Variants in LAMA4 observed in about 807,000 individuals in gnomAD.
The protein encoded by LAMA4 is laminin subunit alpha 4, also known as laminin subunit alpha-4.
A neutral mutation model predicts 207.1 loss-of-function variants in LAMA4; 127 were observed. The observed-to-expected ratio is 0.61, with a 90% CI of 0.53 to 0.71. The LOEUF is 0.71. Ranked by LOEUF, LAMA4 falls within the 30% of genes least tolerant of loss-of-function variation. LAMA4 has a pLI of 0.00. For synonymous variants in LAMA4, 761 were observed against 816.0 expected, an observed-to-expected ratio of 0.93 and a Z score of 1.15; for missense variants, 2,093 against 2,246.5, an observed-to-expected ratio of 0.93 and a Z score of 1.38.
intron 9 of LAMA4, among the ~76,000 whole-genome samples, chr6:112,182,611 T>C (rs1392328861): frequency 3.9e-5 from 6 of 152,168 alleles, no homozygotes; most frequent in Non-Finnish European, 7.3e-5. Flanking sequence ...GTCATTCAGG[T>C]AGCTTCTGCT....
intron 3 of LAMA4, chr6:112,213,958 C>CA (rs1554357694): frequency 1.4e-6 from 1 of 703,478 alleles, no homozygotes; most frequent in Non-Finnish European, 2.6e-6. Context: ...CTGGTCATGA[C>CA]AGTGAGCTAC....
intron 2 of LAMA4, among the ~76,000 whole-genome samples, chr6:112,225,680 G>A (rs746643052): frequency 2.0e-5 from 3 of 152,112 alleles, no homozygotes; most frequent in Admixed American, 6.5e-5. Context: ...TGCTGGGGTG[G>A]GCTGTAGGAC....
chr6:112,220,143 G>A (rs782652827), intron 2 of LAMA4, among the ~76,000 whole-genome samples: 1 of 152,110 alleles, frequency 6.6e-6, no homozygotes, highest in Non-Finnish European at 1.5e-5. Flanking sequence ...GAAAACCATT[G>A]AATGGGATAT....
Position 112,140,904 on chromosome 6 carries a change from C to G in LAMA4, c.2832G>C (p.Lys944Asn), listed in dbSNP as rs140978616. ...TTAGACTCGGGACTGTTAAAAACAC[C>G]TTTCCATGTTTTCCCACCCTATTGA... is the stretch of plus-strand genomic sequence containing the variant. Reference protein sequence around the residue: ...VKIERVGKHGKVFLTVPSLSS... With the variant: ...VKIERVGKHGNVFLTVPSLSS... The change falls in exon 22 of 39, where the codon AAG becomes AAC. Residue 944 changes from lysine (K) to asparagine (N), a missense_variant. Lys to Asn is a moderately conservative substitution (Grantham distance 94, BLOSUM62 0). Transcript: ENST00000230538. The G allele has an allele frequency of 6.2e-7, 1 of 1,613,198 alleles. No homozygotes were observed. The highest frequency in any genetic ancestry group is 8.5e-7 in the Non-Finnish European group (1 of 1,179,134).
chr6:112,183,875 C>T (rs1377743778), intron 9 of LAMA4, among the ~76,000 whole-genome samples: 3 of 141,294 alleles, frequency 2.1e-5, no homozygotes, highest in African/African-American at 5.2e-5. Flanking sequence ...CACTGGAACC[C>T]GGGAGGCGGA....
Position 112,224,519 on chromosome 6 carries a change from C to T in LAMA4, c.196-8050G>A, listed in dbSNP as rs139987166. ...CCCTCACAAAGATGGAATTCCAGTA[C>T]TTAACATTGTTGATGGCTGGGTGCG... On this transcript the variant is annotated intron_variant, in intron 2 of 38. Transcript: ENST00000230538. 6.1e-3 allele frequency among the ~76,000 whole-genome samples: 936 copies of T among 152,278 alleles called. 18 individuals carry two copies. The highest frequency in any genetic ancestry group is 0.021 in the African/African-American group (889 of 41,564).
At chr6:112,221,446 A>G (rs781881797) in intron 2 of LAMA4, among the ~76,000 whole-genome samples, 10 of 152,178 alleles carry the variant, frequency 6.6e-5, no homozygotes, top group Non-Finnish European at 1.3e-4. Context: ...GGATAAAAAC[A>G]AAAACAAACC....
At chr6:112,203,685 T>C (rs1259624064) in intron 4 of LAMA4, among the ~76,000 whole-genome samples, 1 of 152,204 alleles carries the variant, frequency 6.6e-6, no homozygotes, top group Non-Finnish European at 1.5e-5. Flanking sequence ...AGTAGAGCTG[T>C]TGTCACTACA....
At chr6:112,239,585 CCTT>C in intron 2 of LAMA4, among the ~76,000 whole-genome samples, 1 of 152,296 alleles carries the variant, frequency 6.6e-6, no homozygotes, top group South Asian at 2.1e-4. Context: ...CTGCTACAGT[CCTT>C]CTCTTAGTTC....
rs905559257 is a variant in LAMA4, at chr6:112,236,681, A to T, written c.195+17275T>A. On this transcript the variant is annotated intron_variant, in intron 2 of 38. Coordinates refer to ENST00000230538, the MANE Select transcript of LAMA4 (RefSeq NM_001105206.3). Reference sequence around the variant, plus strand: ...TATAAGGCAAATTAAAACAAGCTGCAGTTTGCCTTCATGACACTATGAAAT... The same window carrying T: ...TATAAGGCAAATTAAAACAAGCTGCTGTTTGCCTTCATGACACTATGAAAT... 5.9e-5 allele frequency: 9 copies of T among 152,376 alleles called. No homozygotes were observed. The South Asian group carries it at 1.9e-3, about 32-fold the overall frequency. 9.4% of individuals were successfully genotyped at this position (152,376 alleles called of 1,614,324 possible). A position where few individuals can be genotyped will look rare whatever the true frequency, so the allele number is the denominator to read the frequency against.
At chr6:112,189,621 G>T (rs993247899) in intron 6 of LAMA4, among the ~76,000 whole-genome samples, 1 of 152,142 alleles carries the variant, frequency 6.6e-6, no homozygotes, top group African/African-American at 2.4e-5. Flanking sequence ...TAACTCGGGG[G>T]TTGATCATTG....
chr6:112,169,158 A>T (rs1391952524), intron 12 of LAMA4, among the ~76,000 whole-genome samples: 6 of 152,150 alleles, frequency 3.9e-5, no homozygotes, highest in African/African-American at 1.4e-4. Context: ...TTGAAATCGA[A>T]TCTGGCAGTA....
intron 36 of LAMA4, among the ~76,000 whole-genome samples, chr6:112,115,637 T>C (rs1484967218): frequency 6.6e-6 from 1 of 152,216 alleles, no homozygotes; most frequent in Non-Finnish European, 1.5e-5. Flanking sequence ...AGTGATTTTT[T>C]TGATAGTTTT....
At chr6:112,155,049 G>T in intron 15 of LAMA4, 102 bp from the exon 16 acceptor site, 1 of 813,592 alleles carries the variant, frequency 1.2e-6, no homozygotes. Context: ...TAAACACCAA[G>T]CAAAATGCAT....
intron 4 of LAMA4, among the ~76,000 whole-genome samples, chr6:112,204,609 T>A (rs782103270): frequency 1.3e-5 from 2 of 152,086 alleles, no homozygotes; most frequent in Non-Finnish European, 2.9e-5. Flanking sequence ...TAACAATATA[T>A]ACCATGGCAA....
At chr6:112,210,744 C>T (rs1214459551) in intron 3 of LAMA4, among the ~76,000 whole-genome samples, 1 of 152,094 alleles carries the variant, frequency 6.6e-6, no homozygotes, top group Non-Finnish European at 1.5e-5. Context: ...CACAAGATAT[C>T]ACACAGATTG....
At chr6:112,236,464 ATT>A (rs1298316412) in intron 2 of LAMA4, 1 of 152,140 alleles carries the variant, frequency 6.6e-6, no homozygotes, top group African/African-American at 2.4e-5. Context: ...TATCAACACT[ATT>A]TTCTACCTGA....
At chr6:112,168,345 CTTTT>C (rs34395210) in intron 12 of LAMA4, among the ~76,000 whole-genome samples, 1 of 129,314 alleles carries the variant, frequency 7.7e-6, no homozygotes, top group African/African-American at 2.8e-5. Context: ...AGCTAGTGTT[CTTTT>C]TTTTTTTTTT....
At chr6:112,155,832 T>G (rs1298125352) in intron 14 of LAMA4, 126 bp from the exon 15 acceptor site, 6 of 1,136,448 alleles carry the variant, frequency 5.3e-6, no homozygotes, top group Non-Finnish European at 6.5e-6. Flanking sequence ...CAAAGTCACC[T>G]AGTGTGGCAA....
Sources: gnomAD v4.1 joint callset for allele counts (sites outside exome capture counted in the v4.1 genomes callset) on GRCh38, gnomAD v4.1.1 for gene constraint, MANE v1.5 for transcripts, NCBI Gene and HGNC (gene_info 2026-07-23, HGNC 2026-07-21) for gene names.